Variants in NBAS observed in about 807,000 individuals in gnomAD.
The protein encoded by NBAS is NAG/BC035112 fusion.
NBAS carries 219 observed loss-of-function variants against 302.5 expected under a neutral mutation model. The observed-to-expected ratio is 0.72, with a 90% CI of 0.65 to 0.81. NBAS has a LOEUF of 0.81. Among genes scored for constraint, NBAS ranks in the 30% least tolerant of loss-of-function variants. The pLI, the probability that NBAS is intolerant of heterozygous loss-of-function variation, is 0.00. For synonymous variants in NBAS, 1,118 were observed against 1,021.6 expected (o/e 1.09, Z -1.80); for missense variants, 2,932 against 2,841.6 (o/e 1.03, Z -0.72).
At chr2:15,184,951 C>T (rs1572411908) in intron 50 of NBAS, among the ~76,000 whole-genome samples, 1 of 152,150 alleles carries the variant, frequency 6.6e-6, no homozygotes, top group Non-Finnish European at 1.5e-5. Flanking sequence ...AAATACTGAT[C>T]ATCTAGATGC....
chr2:15,343,548 TCTA>T (rs1392828693), intron 35 of NBAS, among the ~76,000 whole-genome samples: 1 of 152,118 alleles, frequency 6.6e-6, no homozygotes, highest in African/African-American at 2.4e-5. Flanking sequence ...AAATTTAAAA[TCTA>T]CTAAGAAAGA....
the NBAS span, among the ~76,000 whole-genome samples, chr2:14,979,745 A>G: frequency 6.6e-6 from 1 of 152,216 alleles, no homozygotes; most frequent in South Asian, 2.1e-4. Flanking sequence ...TTTAGAAAAA[A>G]AAAAGTTTTA....
intron 32 of NBAS, among the ~76,000 whole-genome samples, chr2:15,364,782 G>T (rs929326478): frequency 6.6e-6 from 1 of 151,966 alleles, no homozygotes; most frequent in Admixed American, 6.6e-5. Context: ...CCCTAGCCAC[G>T]ATCTGATGAA....
At chr2:15,073,904 T>G in the NBAS span, among the ~76,000 whole-genome samples, 139 of 152,290 alleles carry the variant, frequency 9.1e-4, 2 homozygotes, top group African/African-American at 2.7e-3. Context: ...TGGACCTATC[T>G]CTCTAAAATA....
At chr2:15,555,810 T>C (rs188976654) in intron 3 of NBAS, among the ~76,000 whole-genome samples, 3 of 152,244 alleles carry the variant, frequency 2.0e-5, no homozygotes, top group Non-Finnish European at 4.4e-5. Context: ...ACAGGGCTTG[T>C]AGCAGAGTTA....
chr2:14,785,390 G>C, the NBAS span, among the ~76,000 whole-genome samples: 55 of 152,012 alleles, frequency 3.6e-4, no homozygotes, highest in South Asian at 1.7e-3. Flanking sequence ...GCATCCCTGT[G>C]TTGTGCCAGT....
chr2:15,234,971 A>T (rs1391267928), intron 45 of NBAS, among the ~76,000 whole-genome samples: 1 of 152,190 alleles, frequency 6.6e-6, no homozygotes, highest in African/African-American at 2.4e-5. Context: ...GGCCTTTGTG[A>T]TCTCAAATTT....
At chr2:15,129,185 A>G in the NBAS span, among the ~76,000 whole-genome samples, 1 of 152,210 alleles carries the variant, frequency 6.6e-6, no homozygotes, top group Non-Finnish European at 1.5e-5. Context: ...TTAAATCTCA[A>G]TTAATCCCCG....
the NBAS span, among the ~76,000 whole-genome samples, chr2:14,982,216 C>G: frequency 2.0e-5 from 3 of 152,160 alleles, no homozygotes; most frequent in Non-Finnish European, 4.4e-5. Flanking sequence ...CCAGCACCAT[C>G]CCCCGGCTGT....
chr2:15,288,017 C>T (rs902305411), intron 41 of NBAS, among the ~76,000 whole-genome samples: 2 of 152,194 alleles, frequency 1.3e-5, no homozygotes, highest in Non-Finnish European at 2.9e-5. Context: ...GTGGGCATCC[C>T]GAGCATCTGC....
At chr2:15,179,604 T>C (rs936371283) in intron 50 of NBAS, 3 of 156,138 alleles carry the variant, frequency 1.9e-5, no homozygotes, top group East Asian at 1.8e-4. Flanking sequence ...TAACAACCTC[T>C]AGTTGTCATT....
chr2:15,298,736 C>T (rs970761034), intron 40 of NBAS, among the ~76,000 whole-genome samples: 1 of 152,164 alleles, frequency 6.6e-6, no homozygotes, highest in Non-Finnish European at 1.5e-5. Context: ...GCATTTCATA[C>T]GTTCATTTAT....
the NBAS span, among the ~76,000 whole-genome samples, chr2:14,882,462 C>T: frequency 3.9e-5 from 6 of 152,272 alleles, no homozygotes; most frequent in African/African-American, 1.2e-4. Context: ...CTTGCCTAAG[C>T]CATGCATGCC....
At chr2:14,802,351 C>A in the NBAS span, among the ~76,000 whole-genome samples, 10 of 150,730 alleles carry the variant, frequency 6.6e-5, no homozygotes, top group Non-Finnish European at 1.2e-4. Context: ...GGCATTATTT[C>A]TGAGGGCTCT....
intron 47 of NBAS, among the ~76,000 whole-genome samples, chr2:15,228,518 T>C (rs186676609): frequency 1.3e-5 from 2 of 152,340 alleles, no homozygotes; most frequent in East Asian, 1.9e-4. Flanking sequence ...CATCAGTATG[T>C]TGAAGAAACT....
At chr2:15,521,280 A>C (rs1017044629) in intron 9 of NBAS, among the ~76,000 whole-genome samples, 1 of 152,194 alleles carries the variant, frequency 6.6e-6, no homozygotes, top group African/African-American at 2.4e-5. Flanking sequence ...GGTCACCCTG[A>C]AGAGATGTGA....
intron 35 of NBAS, among the ~76,000 whole-genome samples, chr2:15,349,066 C>G (rs1404126725): frequency 6.6e-6 from 1 of 152,168 alleles, no homozygotes; most frequent in Non-Finnish European, 1.5e-5. Context: ...TAAAATAACA[C>G]TAAAGGCACC....
At chr2:15,113,280 T>C in the NBAS span, among the ~76,000 whole-genome samples, 1 of 149,964 alleles carries the variant, frequency 6.7e-6, no homozygotes, top group Admixed American at 6.7e-5. Context: ...CACCCTGTAG[T>C]TCTAAATTTG....
intron 48 of NBAS, among the ~76,000 whole-genome samples, chr2:15,212,938 C>T (rs183450831): frequency 7.9e-4 from 120 of 152,284 alleles, no homozygotes; most frequent in Middle Eastern, 3.4e-3. Context: ...CAAACTAATA[C>T]GGTATCTAAA....
Sources: allele counts gnomAD v4.1 joint callset (sites outside exome capture counted in the v4.1 genomes callset), GRCh38; gene constraint gnomAD v4.1.1; transcripts MANE v1.5; gene names NCBI Gene and HGNC (gene_info 2026-07-23, HGNC 2026-07-21).